XKR9: variants seen among roughly 807,000 people sequenced by gnomAD.
XKR9 encodes XK-related protein 9.
In XKR9, 32 loss-of-function variants were observed where a neutral mutation model predicts 32.0. That is an observed-to-expected ratio of 1.00 (90% confidence interval 0.76 to 1.34). The LOEUF (loss-of-function observed/expected upper bound fraction) is 1.34. Ranked by LOEUF, XKR9 falls within the 40% of genes most tolerant of loss-of-function variation. XKR9 has a pLI of 0.00. For missense variants in XKR9, 546 were observed against 429.7 expected, an observed-to-expected ratio of 1.27 and a Z score of -2.39; for synonymous variants, 168 against 143.4, an observed-to-expected ratio of 1.17 and a Z score of -1.22.
chr8:70,749,882 T>A (rs796911672), intron 2 of XKR9, among the ~76,000 whole-genome samples: 14 of 152,308 alleles, frequency 9.2e-5, no homozygotes, highest in African/African-American at 3.4e-4. Flanking sequence ...GACTGTTGCA[T>A]GTTGTGTTTA....
At chr8:70,747,272 C>G (rs1042743002) in intron 2 of XKR9, among the ~76,000 whole-genome samples, 1 of 152,122 alleles carries the variant, frequency 6.6e-6, no homozygotes, top group Non-Finnish European at 1.5e-5. Context: ...GATATATACC[C>G]AGTAATGGTA....
At chr8:71,057,044 C>A in the XKR9 span, among the ~76,000 whole-genome samples, 1 of 152,170 alleles carries the variant, frequency 6.6e-6, no homozygotes, top group Non-Finnish European at 1.5e-5. Flanking sequence ...GAAAGATCCT[C>A]TAGAGTCCCC....
At chr8:71,010,201 G>A in the XKR9 span, among the ~76,000 whole-genome samples, 1 of 152,202 alleles carries the variant, frequency 6.6e-6, no homozygotes, top group Admixed American at 6.5e-5. Context: ...CATGACAGCT[G>A]ATAAGAAGTG....
In XKR9 at chr8:70,735,164, A is replaced by G. The variant is rs1470961329; in HGVS notation, c.*740A>G. The G allele has an allele frequency of 6.6e-6, 1 of 152,040 alleles. No individual in the cohort carries two copies. Among genetic ancestry groups the G allele is most frequent in the East Asian group, 1.9e-4 (1 of 5,202 alleles). 9.4% of individuals were successfully genotyped at this position (152,040 alleles called of 1,614,324 possible). On this transcript the variant is annotated 3_prime_UTR_variant, in exon 5 of 5. Transcript: ENST00000408926. ...AATCACTTTGAGTGTACAGTTCATC[A>G]GTGTTAACTGTATTCACCTTGTGCA...
the XKR9 span, among the ~76,000 whole-genome samples, chr8:70,842,950 GA>G: frequency 6.6e-6 from 1 of 151,454 alleles, no homozygotes; most frequent in African/African-American, 2.4e-5. Context: ...AGGAAGGAAA[GA>G]AGAAAAAAAA....
the XKR9 span, among the ~76,000 whole-genome samples, chr8:70,913,205 C>T: frequency 2.6e-5 from 4 of 152,072 alleles, no homozygotes; most frequent in African/African-American, 9.7e-5. Context: ...AAATGTTTCC[C>T]AGCTGATTTT....
intron 3 of XKR9, among the ~76,000 whole-genome samples, chr8:70,690,391 A>G (rs1214464218): frequency 6.6e-6 from 1 of 152,010 alleles, no homozygotes; most frequent in African/African-American, 2.4e-5. Context: ...GTGCAATGGC[A>G]TGATCTTGGA....
At chr8:70,716,239 C>G (rs1245024661) in intron 4 of XKR9, among the ~76,000 whole-genome samples, 1 of 151,914 alleles carries the variant, frequency 6.6e-6, no homozygotes, top group African/African-American at 2.4e-5. Context: ...TTGTCAACTC[C>G]AGGAATAATG....
the XKR9 span, among the ~76,000 whole-genome samples, chr8:70,829,408 G>T: frequency 6.6e-6 from 1 of 152,152 alleles, no homozygotes; most frequent in Non-Finnish European, 1.5e-5. Flanking sequence ...TGGACCAAGG[G>T]TTTGACCATT....
At chr8:70,700,677 C>T (rs1167813181) in intron 3 of XKR9, among the ~76,000 whole-genome samples, 1 of 152,188 alleles carries the variant, frequency 6.6e-6, no homozygotes, top group Non-Finnish European at 1.5e-5. Context: ...TCTGAGATCT[C>T]CAGCTGCGTG....
At chr8:70,828,223 T>A in the XKR9 span, among the ~76,000 whole-genome samples, 1 of 152,002 alleles carries the variant, frequency 6.6e-6, no homozygotes, top group Admixed American at 6.6e-5. Context: ...AAACAGCACA[T>A]TGTTTGGTTT....
chr8:70,761,305 T>C (rs1306059184), intron 2 of XKR9, among the ~76,000 whole-genome samples: 1 of 152,228 alleles, frequency 6.6e-6, no homozygotes, highest in Non-Finnish European at 1.5e-5. Flanking sequence ...TCCACAATGG[T>C]TGAACTAATT....
intron 2 of XKR9, among the ~76,000 whole-genome samples, chr8:70,751,572 C>T (rs1353116944): frequency 1.3e-5 from 2 of 152,174 alleles, no homozygotes; most frequent in Non-Finnish European, 2.9e-5. Context: ...GATGTACCTT[C>T]ACCCAATATG....
At chr8:70,858,518 G>T in the XKR9 span, among the ~76,000 whole-genome samples, 4 of 151,852 alleles carry the variant, frequency 2.6e-5, no homozygotes, top group African/African-American at 9.7e-5. Flanking sequence ...TCTTAAAATT[G>T]ATATGTAACC....
chr8:70,776,945 CTCTA>C lies in XKR9; in HGVS notation n.353-12392_353-12389del, dbSNP rs1329561820. Among the ~76,000 whole-genome samples the C allele has an allele frequency of 1.6e-4, 10 of 62,520 alleles. 1 individual carries two copies. The highest frequency in any genetic ancestry group is 9.8e-4 in the African/African-American group (10 of 10,248). The allele number at this position is 62,520 out of a possible 152,430, so 41.0% of individuals were successfully genotyped here. On this transcript the variant is annotated intron_variant and non_coding_transcript_variant, in intron 2 of 3. Coordinates refer to the XKR9 transcript ENST00000520273. Reference sequence around the variant, plus strand: ...TCTTTCTCTCTCTCTCTCTCTCTCTCTCTATATATATATATATATGTATGTATTA... The same window carrying C: ...TCTTTCTCTCTCTCTCTCTCTCTCTCTATATATATATATATGTATGTATTA...
chr8:70,880,302 G>C, the XKR9 span, among the ~76,000 whole-genome samples: 1 of 152,036 alleles, frequency 6.6e-6, no homozygotes, highest in African/African-American at 2.4e-5. Flanking sequence ...AGAAATAAAG[G>C]GTATTCAATT....
the XKR9 span, among the ~76,000 whole-genome samples, chr8:70,853,766 G>C: frequency 6.6e-6 from 1 of 152,116 alleles, no homozygotes; most frequent in African/African-American, 2.4e-5. Flanking sequence ...CTATGAGTGA[G>C]AACATGCAGT....
At chr8:70,791,502 G>A (rs1240358081), downstream of XKR9, among the ~76,000 whole-genome samples, 1 of 152,104 alleles carries the variant, frequency 6.6e-6, no homozygotes, top group African/African-American at 2.4e-5. Flanking sequence ...CGAGGGCTTT[G>A]CCCTTATGAA....
the XKR9 span, among the ~76,000 whole-genome samples, chr8:70,922,170 G>C: frequency 4.6e-5 from 7 of 152,310 alleles, no homozygotes; most frequent in Non-Finnish European, 2.9e-5. Flanking sequence ...CCTCCTGCAT[G>C]CTATGGACTC....
Sources: gnomAD v4.1 joint callset for allele counts (sites outside exome capture counted in the v4.1 genomes callset) on GRCh38, gnomAD v4.1.1 for gene constraint, MANE v1.5 for transcripts, NCBI Gene and HGNC (gene_info 2026-07-23, HGNC 2026-07-21) for gene names.